Variants in DNAI4 observed in about 807,000 individuals in gnomAD.
The protein encoded by DNAI4 is dynein axonemal intermediate chain 4.
DNAI4 carries 85 observed loss-of-function variants against 105.8 expected under a neutral mutation model. The ratio of observed to expected loss-of-function variants is 0.80; its 90% confidence interval spans 0.67 to 0.96. DNAI4 has a LOEUF of 0.96. DNAI4 is among the 40% of genes least tolerant of loss of function. DNAI4 has a pLI of 0.00. For missense variants in DNAI4, 1,014 were observed against 1,005.6 expected (o/e 1.01, Z -0.11); for synonymous variants, 352 against 331.5 (o/e 1.06, Z -0.67).
chr1:66,868,434 T>G (rs1646775791), intron 6 of DNAI4, among the ~76,000 whole-genome samples: 1 of 152,146 alleles, frequency 6.6e-6, no homozygotes, highest in South Asian at 2.1e-4. Context: ...AGATTAACAT[T>G]TGAATTGGTG....
intron 16 of DNAI4, among the ~76,000 whole-genome samples, chr1:66,814,498 G>A (rs186058235): frequency 0.013 from 1,966 of 151,926 alleles, 20 homozygotes; most frequent in Non-Finnish European, 0.021. Context: ...CCTCCTGAGT[G>A]GCTGGGACTA....
chr1:66,833,820 G>A, intron 12 of DNAI4, 114 bp from the exon 13 acceptor site: 1 of 1,422,684 alleles, frequency 7.0e-7, no homozygotes, highest in Admixed American at 2.5e-5. Context: ...ACTTTTGCAT[G>A]TAATTAGGCT....
intron 4 of DNAI4, among the ~76,000 whole-genome samples, chr1:66,884,163 C>T (rs1647141185): frequency 6.6e-6 from 1 of 152,198 alleles, no homozygotes; most frequent in South Asian, 2.1e-4. Flanking sequence ...GACAGAATTT[C>T]CTTCCTTTTA....
chr1:66,840,351 G>T, intron 9 of DNAI4, 118 bp downstream of exon 9: 2 of 957,748 alleles, frequency 2.1e-6, no homozygotes, highest in Non-Finnish European at 3.1e-6. Context: ...AAAACTCAAA[G>T]TTATGGTCAA....
intron 4 of DNAI4, 79 bp from the exon 5 acceptor site, chr1:66,875,016 C>G: frequency 8.0e-7 from 1 of 1,255,602 alleles, no homozygotes; most frequent in Non-Finnish European, 1.1e-6. Flanking sequence ...CACCAATATA[C>G]CATAATGGGT....
intron 6 of DNAI4, 31 bp from the exon 7 acceptor site, chr1:66,862,333 T>C (rs767473301): frequency 1.3e-6 from 2 of 1,589,454 alleles, no homozygotes; most frequent in African/African-American, 2.7e-5. Flanking sequence ...GTAAAAATTG[T>C]TTTAAACCAA....
intron 1 of DNAI4, among the ~76,000 whole-genome samples, chr1:66,911,739 G>T (rs1649671322): frequency 6.6e-6 from 1 of 152,110 alleles, no homozygotes; most frequent in South Asian, 2.1e-4. Flanking sequence ...TCAAAATATT[G>T]CCTTACTCTT....
chr1:66,813,910 A>G lies in DNAI4; in HGVS notation c.*220T>C, dbSNP rs556370261. The G allele has an allele frequency of 1.4e-4, 60 of 437,362 alleles. No homozygotes were observed. Among genetic ancestry groups the G allele is most frequent in the African/African-American group, 1.2e-3 (57 of 49,286 alleles). The allele number at this position is 437,362 out of a possible 1,614,324, so 27.1% of individuals were successfully genotyped here. ...CAAGAGAGTAGGAATATCTTTAGAA[A>G]AATTAAGAAAATTCCACTGAAACTC... On this transcript the variant is annotated 3_prime_UTR_variant, in exon 17 of 17. Transcript: ENST00000371026.
At chr1:66,887,256 T>G (rs1486970316) in intron 4 of DNAI4, among the ~76,000 whole-genome samples, 1 of 152,236 alleles carries the variant, frequency 6.6e-6, no homozygotes, top group Non-Finnish European at 1.5e-5. Flanking sequence ...AAGTAACTCT[T>G]GGGAACTGTA....
chr1:66,828,429 A>G (rs1645799421), intron 13 of DNAI4: 1 of 152,196 alleles, frequency 6.6e-6, no homozygotes, highest in South Asian at 2.1e-4. Context: ...TCTGACTCAC[A>G]TTCTCTTCAA....
chr1:66,818,540 A>T (rs1037233385), intron 16 of DNAI4, among the ~76,000 whole-genome samples: 2 of 152,232 alleles, frequency 1.3e-5, no homozygotes, highest in African/African-American at 4.8e-5. Context: ...TAAATCTTAT[A>T]TCATTTGAAT....
intron 7 of DNAI4, among the ~76,000 whole-genome samples, chr1:66,854,989 C>T (rs1479116533): frequency 6.6e-6 from 1 of 152,092 alleles, no homozygotes; most frequent in Non-Finnish European, 1.5e-5. Flanking sequence ...GGAACTGCCC[C>T]CACTAGCATT....
At chr1:66,860,924 G>T (rs953970500) in intron 7 of DNAI4, 1 of 151,966 alleles carries the variant, frequency 6.6e-6, no homozygotes, top group East Asian at 1.9e-4. Context: ...CCCCTTCATT[G>T]TTCTCTTAGA....
intron 16 of DNAI4, among the ~76,000 whole-genome samples, chr1:66,818,913 CA>C (rs1017298045): frequency 2.6e-5 from 4 of 151,868 alleles, no homozygotes; most frequent in Middle Eastern, 3.4e-3. Flanking sequence ...GACTCCATCT[CA>C]AAAAAAGAAA....
chr1:66,835,817 G>A (rs1359916248), intron 10 of DNAI4, 40 bp from the exon 11 acceptor site: 1 of 1,587,898 alleles, frequency 6.3e-7, no homozygotes, highest in African/African-American at 1.3e-5. Context: ...TGTTTTTGTA[G>A]ACCACAGTAA....
At chr1:66,854,259 T>G (rs1240495934) in intron 7 of DNAI4, among the ~76,000 whole-genome samples, 2 of 152,064 alleles carry the variant, frequency 1.3e-5, no homozygotes, top group African/African-American at 4.8e-5. Flanking sequence ...AGTCTGGTGG[T>G]AAACACCTGT....
At chr1:66,915,979 A>G (rs1650039395) in intron 1 of DNAI4, among the ~76,000 whole-genome samples, 1 of 150,568 alleles carries the variant, frequency 6.6e-6, no homozygotes, top group Admixed American at 6.6e-5. Flanking sequence ...AAAATTAGCT[A>G]GGTGTGGTGG....
chr1:66,841,687 C>T (rs562283608), intron 8 of DNAI4, among the ~76,000 whole-genome samples: 6 of 152,252 alleles, frequency 3.9e-5, no homozygotes, highest in African/African-American at 1.2e-4. Flanking sequence ...CATCTCTTTT[C>T]TACATATGCC....
intron 2 of DNAI4, among the ~76,000 whole-genome samples, chr1:66,896,744 C>G (rs1175184771): frequency 6.6e-6 from 1 of 152,184 alleles, no homozygotes; most frequent in East Asian, 1.9e-4. Flanking sequence ...TCCCCACTAG[C>G]AACAAGGCCC....
Sources: allele counts gnomAD v4.1 joint callset (sites outside exome capture counted in the v4.1 genomes callset), GRCh38; gene constraint gnomAD v4.1.1; transcripts MANE v1.5; gene names NCBI Gene and HGNC (gene_info 2026-07-23, HGNC 2026-07-21).